The following BSCL2 variants were observed in gnomAD, a reference collection of about 807,000 sequenced individuals.
The protein encoded by BSCL2 is seipin.
In BSCL2, 41 loss-of-function variants were observed where a neutral mutation model predicts 57.4. That is an observed-to-expected ratio of 0.71 (90% confidence interval 0.56 to 0.93). The LOEUF is 0.93. BSCL2 is among the 40% of genes least tolerant of loss of function. The pLI, the probability that BSCL2 is intolerant of heterozygous loss-of-function variation, is 0.00. For synonymous variants in BSCL2, 237 were observed against 227.3 expected, an observed-to-expected ratio of 1.04 and a Z score of -0.38; for missense variants, 539 against 586.7, an observed-to-expected ratio of 0.92 and a Z score of 0.84.
In BSCL2 at chr11:62,705,523, G is replaced by A; in HGVS notation, c.182C>T (p.Ala61Val). ...ARPEPGARHP[A>V]LPAMVNDPPV... ...AGGGTCGTTGACCATGGCCGGGAGA[G>A]CAGGGTGTCTGGCCCCAGGTTCAGG... Residue 61 changes from alanine to valine, a missense_variant, in exon 2 of 11, where the codon GCT (alanine) becomes GTT (valine). By Grantham distance (64) the Ala-to-Val change is moderately conservative (BLOSUM62 0). Transcript: ENST00000360796. The A allele has an allele frequency of 4.3e-6, 7 of 1,613,328 alleles. No individual in the cohort carries two copies. Among genetic ancestry groups the A allele is most frequent in the Non-Finnish European group, 5.9e-6 (7 of 1,179,368 alleles).
rs547948023 is a variant in BSCL2 at position 62,695,979 on chromosome 11, C to T, written c.487-1268G>A. Among the ~76,000 whole-genome samples the T allele has an allele frequency of 5.3e-4, 80 of 152,094 alleles. 2 individuals carry two copies. The South Asian group carries it at 0.017, about 32-fold the overall frequency. On this transcript the variant is annotated intron_variant, in intron 3 of 10. Transcript: ENST00000360796. Reference sequence around the variant, plus strand: ...CACAAGGTCAGGAGTTCAAGACCAGCCTGGCCAAGATGGTGAAACTCTGTC... The same window carrying T: ...CACAAGGTCAGGAGTTCAAGACCAGTCTGGCCAAGATGGTGAAACTCTGTC...
upstream of BSCL2, chr11:62,709,087 C>T: frequency 2.1e-6 from 1 of 477,238 alleles, no homozygotes; most frequent in Non-Finnish European, 4.0e-6. Context: ...TGCCCGCTTC[C>T]CTCGGTGACC....
At chr11:62,701,307 G>A (rs1945630489) in intron 3 of BSCL2, among the ~76,000 whole-genome samples, 1 of 152,114 alleles carries the variant, frequency 6.6e-6, no homozygotes, top group Admixed American at 6.6e-5. Context: ...ATGGTCCTCA[G>A]TTTATGATGG....
chr11:62,709,058 A>T, upstream of BSCL2: 2 of 502,726 alleles, frequency 4.0e-6, no homozygotes, highest in East Asian at 8.1e-5. Flanking sequence ...GGGCCCCGTC[A>T]GACTCTGCCA....
chr11:62,692,351 A>T (rs964002420), intron 6 of BSCL2, 25 bp downstream of exon 6: 1 of 1,612,020 alleles, frequency 6.2e-7, no homozygotes, highest in African/African-American at 1.3e-5. Context: ...GAGTTGCCCA[A>T]GGTTCACTCC....
intron 3 of BSCL2, among the ~76,000 whole-genome samples, chr11:62,696,617 T>A (rs1945473124): frequency 6.6e-6 from 1 of 152,048 alleles, no homozygotes; most frequent in African/African-American, 2.4e-5. Flanking sequence ...AGTGCAGTGG[T>A]GTGATCACAG....
intron 1 of BSCL2, chr11:62,706,529 C>G: frequency 2.2e-6 from 1 of 452,084 alleles, no homozygotes; most frequent in African/African-American, 2.0e-5. Flanking sequence ...CCTGCAGGCC[C>G]CAAGATGTGC....
intron 4 of BSCL2, among the ~76,000 whole-genome samples, chr11:62,693,722 A>G (rs1945371821): frequency 6.6e-6 from 1 of 152,156 alleles, no homozygotes; most frequent in Non-Finnish European, 1.5e-5. Flanking sequence ...TTCTGAGAGC[A>G]GCTCCACTCT....
At position 62,702,479 on chromosome 11, in the gene BSCL2, C is replaced by A; in HGVS notation, c.475G>T (p.Gly159Ter). The A allele has an allele frequency of 6.2e-7, 1 of 1,612,558 alleles. No homozygotes were observed. The highest frequency in any genetic ancestry group is 8.5e-7 in the Non-Finnish European group (1 of 1,178,916). ...PVANVSLTKG[G>*]RDRVLMYGQP... ...GTTCCCATACTCACCCGATCACGTC[C>A]ACCCTTAGTCAGCGAGACATTGGCA... is the stretch of plus-strand genomic sequence containing the variant. Residue 159 changes from glycine (G) to a stop codon, truncating the protein, a stop_gained, in exon 3 of 11, where the codon GGA (glycine) becomes TGA (stop). Coordinates refer to ENST00000360796, the MANE Select transcript of BSCL2 (RefSeq NM_001122955.4). LOFTEE classifies it high-confidence loss of function.
At chr11:62,696,034 G>A (rs1002778156) in intron 3 of BSCL2, among the ~76,000 whole-genome samples, 1 of 152,054 alleles carries the variant, frequency 6.6e-6, no homozygotes, top group Non-Finnish European at 1.5e-5. Flanking sequence ...TTAGCCGGGC[G>A]TGGTAGCAGG....
intron 8 of BSCL2, 36 bp downstream of exon 8, chr11:62,691,039 A>C: frequency 1.2e-6 from 2 of 1,612,700 alleles, no homozygotes; most frequent in African/African-American, 1.3e-5. Context: ...AGCTCAACCT[A>C]GCCCACCTCA....
In BSCL2 at chr11:62,690,618, T is replaced by C; in HGVS notation, c.1228A>G (p.Ser410Gly). ...SGEEELEPEASDGSGSWEDAA... is the reference protein window; with the variant it reads ...SGEEELEPEAGDGSGSWEDAA... ...GCTGCAGGATGCCCCTCACCATCAC[T>C]GGCCTCAGGCTCTAGCTCCTCTTCT... Residue 410 changes from serine (S) to glycine (G), a missense_variant, in exon 10 of 11, where the codon AGT becomes GGT. Coordinates refer to ENST00000360796, the MANE Select transcript of BSCL2 (RefSeq NM_001122955.4). 6.2e-7 allele frequency: 1 copy of C among 1,614,026 alleles called. No individual in the cohort carries two copies. Among genetic ancestry groups the C allele is most frequent in the Non-Finnish European group, 8.5e-7 (1 of 1,179,996 alleles).
At position 62,707,121 on chromosome 11, in the gene BSCL2, C is replaced by G; in HGVS notation, c.75G>C (p.Pro25=). The G allele has an allele frequency of 6.4e-7, 1 of 1,553,956 alleles. No homozygotes were observed. The highest frequency in any genetic ancestry group is 8.7e-7 in the Non-Finnish European group (1 of 1,147,628). Residue 25 remains proline (P), a synonymous_variant, in exon 1 of 11, where the codon CCG becomes CCC. Coordinates refer to ENST00000360796, the MANE Select transcript of BSCL2 (RefSeq NM_001122955.4). The part of the protein sequence containing the change: ...KEVCGDQIKG[P]DKEEEPPAAA... ...CAAGGGCCCCTACCTCCTCTTTGTC[C>G]GGTCCTTTGATCTGGTCTCCGCACA...
intron 3 of BSCL2, among the ~76,000 whole-genome samples, chr11:62,700,641 C>CAAAT (rs761254407): frequency 2.5e-4 from 38 of 151,868 alleles, no homozygotes; most frequent in South Asian, 8.3e-4. Context: ...AACTCCGTCT[C>CAAAT]AAATAAATAA....
upstream of BSCL2, chr11:62,708,733 A>G (rs757284275): frequency 6.2e-7 from 1 of 1,614,030 alleles, no homozygotes; most frequent in Non-Finnish European, 8.5e-7. Flanking sequence ...GCCTGTGAGG[A>G]TCCCCTCATC....
chr11:62,690,487 C>T lies in BSCL2; in HGVS notation c.1269G>A (p.Thr423=), dbSNP rs748736063. The T allele has an allele frequency of 5.6e-6, 9 of 1,614,120 alleles. No homozygotes were observed. Among genetic ancestry groups the T allele is most frequent in the Middle Eastern group, 1.6e-4 (1 of 6,062 alleles). Residue 423 remains threonine (T), a synonymous_variant, in exon 11 of 11, where the codon ACG becomes ACA. Transcript: ENST00000360796. ...SGSWEDAALL[T]EANLPAPAPA... ...GAGCAGGAGCAGGCAGGTTGGCCTC[C>T]GTCAGCAAAGCTGCATCTTCCCAGG...
chr11:62,700,214 C>T (rs1014692535), intron 3 of BSCL2, among the ~76,000 whole-genome samples: 1 of 151,602 alleles, frequency 6.6e-6, no homozygotes, highest in Non-Finnish European at 1.5e-5. Flanking sequence ...GCACTCCAGG[C>T]TAGGTGGCAG....
At chr11:62,704,616 G>A (rs1455029651) in intron 2 of BSCL2, among the ~76,000 whole-genome samples, 1 of 151,886 alleles carries the variant, frequency 6.6e-6, no homozygotes, top group Non-Finnish European at 1.5e-5. Context: ...GCCAGATGTG[G>A]TGGCACACAC....
chr11:62,694,003 G>T lies in BSCL2; in HGVS notation c.630+565C>A, dbSNP rs569297580. Among the ~76,000 whole-genome samples, 35 of 151,562 alleles carry T rather than the reference G, an allele frequency of 2.3e-4. 1 individual carries two copies. In the South Asian group the frequency reaches 7.3e-3, roughly 32 times the overall value. On this transcript the variant is annotated intron_variant, in intron 4 of 10. Coordinates refer to ENST00000360796, the MANE Select transcript of BSCL2 (RefSeq NM_001122955.4). ...CTAATTTTGTATTTTTAGTAGAGAC[G>T]GGATTTCTCCATGTTGGTCAGGCTG...
Sources: allele counts gnomAD v4.1 joint callset (sites outside exome capture counted in the v4.1 genomes callset), GRCh38; gene constraint gnomAD v4.1.1; transcripts MANE v1.5; gene names NCBI Gene and HGNC (gene_info 2026-07-23, HGNC 2026-07-21).